NIPAL2: variants seen among roughly 807,000 people sequenced by gnomAD.
The protein encoded by NIPAL2 is NIPA-like protein 2.
In NIPAL2, 43 loss-of-function variants were observed where a neutral mutation model predicts 48.9. That is an observed-to-expected ratio of 0.88 (90% CI 0.69 to 1.13). The LOEUF (loss-of-function observed/expected upper bound fraction) is 1.13. Among genes scored for constraint, NIPAL2 ranks in the 50% most tolerant of loss-of-function variants. The pLI, the probability that NIPAL2 is intolerant of heterozygous loss-of-function variation, is 0.00. For missense variants in NIPAL2, 446 were observed against 461.4 expected, an observed-to-expected ratio of 0.97 and a Z score of 0.31; for synonymous variants, 167 against 174.6, an observed-to-expected ratio of 0.96 and a Z score of 0.34.
Position 98,254,030 on chromosome 8 carries a change from G to C in NIPAL2, c.193C>G (p.Leu65Val). The C allele has an allele frequency of 3.7e-6, 6 of 1,608,332 alleles. No individual in the cohort carries two copies. The highest frequency in any genetic ancestry group is 5.1e-6 in the Non-Finnish European group (6 of 1,175,942). ...AGCTTTTTTCTTACCTGAATATTTAGAGAAATACTGATCACCAAGTTTCCT... is the reference window on the plus strand; with the variant it reads ...AGCTTTTTTCTTACCTGAATATTTACAGAAATACTGATCACCAAGTTTCCT... ...ILGNLVISIS[L>V]NIQKYSHLQL... is the part of the protein sequence containing the mutation. The change falls in exon 2 of 11, where the codon CTA becomes GTA. Residue 65 changes from leucine to valine, a missense_variant. Leu to Val is a conservative substitution (Grantham distance 32). Transcript: ENST00000430223.
intron 4 of NIPAL2, among the ~76,000 whole-genome samples, chr8:98,225,053 G>A (rs1042957007): frequency 3.3e-5 from 5 of 152,110 alleles, no homozygotes; most frequent in Non-Finnish European, 7.4e-5. Context: ...CACCGTGCCC[G>A]GCTGCAATTA....
intron 4 of NIPAL2, among the ~76,000 whole-genome samples, chr8:98,224,072 A>G (rs1277788796): frequency 6.6e-6 from 1 of 152,218 alleles, no homozygotes; most frequent in Admixed American, 6.5e-5. Flanking sequence ...TTCTAGTTAT[A>G]TCAAGCTCCT....
At chr8:98,194,080 C>G (rs1810429643) in intron 10 of NIPAL2, among the ~76,000 whole-genome samples, 1 of 152,168 alleles carries the variant, frequency 6.6e-6, no homozygotes, top group Non-Finnish European at 1.5e-5. Context: ...GCCTGGAAAC[C>G]TATAGGTCCC....
chr8:98,210,398 G>A (rs897093798), intron 6 of NIPAL2, among the ~76,000 whole-genome samples: 1 of 152,064 alleles, frequency 6.6e-6, no homozygotes, highest in Non-Finnish European at 1.5e-5. Context: ...CAGGTGGTAG[G>A]GTTTTACTGG....
chr8:98,286,399 A>T (rs775769537), intron 1 of NIPAL2, among the ~76,000 whole-genome samples: 1 of 152,176 alleles, frequency 6.6e-6, no homozygotes, highest in African/African-American at 2.4e-5. Context: ...TGAAGAAGTC[A>T]TGTTGGGGCA....
At chr8:98,246,820 C>T (rs1252871058) in intron 3 of NIPAL2, among the ~76,000 whole-genome samples, 3 of 152,160 alleles carry the variant, frequency 2.0e-5, no homozygotes, top group African/African-American at 7.2e-5. Context: ...CCCTCCCTCC[C>T]TCCTTGCCCC....
rs542830628 is a variant in NIPAL2 at position 98,253,811 on chromosome 8, C to G, written c.204+208G>C. Among the ~76,000 whole-genome samples the G allele has an allele frequency of 1.5e-4, 23 of 152,202 alleles. 1 individual carries two copies. The South Asian group carries it at 3.1e-3, about 21-fold the overall frequency. On this transcript the variant is annotated intron_variant, in intron 2 of 10. Coordinates refer to ENST00000430223, the MANE Select transcript of NIPAL2 (RefSeq NM_001321635.2). ...CCACTCCATCCTGCAAAATTAATTT[C>G]TTTTAAAATCAGAAGAAGAAGAGGA...
At chr8:98,272,383 T>C (rs1468241206) in intron 1 of NIPAL2, among the ~76,000 whole-genome samples, 1 of 152,142 alleles carries the variant, frequency 6.6e-6, no homozygotes, top group East Asian at 1.9e-4. Context: ...AAAATTGTGG[T>C]TAAATGTATA....
In NIPAL2 at chr8:98,252,515, A is replaced by G. The variant is rs755185022; in HGVS notation, c.324T>C (p.Tyr108=). 1 of 1,614,100 alleles carries G rather than the reference A, an allele frequency of 6.2e-7. No homozygotes were observed. Among genetic ancestry groups the G allele is most frequent in the African/African-American group, 1.3e-5 (1 of 75,054 alleles). The change falls in exon 3 of 11, where the codon TAT becomes TAC. Residue 108 remains tyrosine (Y), a synonymous_variant. Coordinates refer to ENST00000430223, the MANE Select transcript of NIPAL2 (RefSeq NM_001321635.2). ...CGATCAGAGTAATGGGAGCAAATCC[A>G]TAGGCTGCAAAGTTCCCCGTCTCTC... ...AVGETGNFAA[Y]GFAPITLIAP...
At chr8:98,291,054 C>T (rs1419231810) in intron 1 of NIPAL2, among the ~76,000 whole-genome samples, 1 of 152,146 alleles carries the variant, frequency 6.6e-6, no homozygotes, top group Non-Finnish European at 1.5e-5. Flanking sequence ...TCCTGCTAGC[C>T]TTAATTTAAA....
intron 4 of NIPAL2, among the ~76,000 whole-genome samples, chr8:98,228,996 T>C (rs531442009): frequency 6.6e-4 from 101 of 152,124 alleles, no homozygotes; most frequent in Non-Finnish European, 6.2e-4. Context: ...CTCAGGAAAC[T>C]AGTGCATAGA....
chr8:98,267,329 T>G (rs1191829235), intron 1 of NIPAL2, among the ~76,000 whole-genome samples: 1 of 145,474 alleles, frequency 6.9e-6, no homozygotes, highest in Non-Finnish European at 1.5e-5. Flanking sequence ...CTATTTTCCT[T>G]TTTTTTTTTT....
intron 1 of NIPAL2, among the ~76,000 whole-genome samples, chr8:98,259,023 T>A (rs1814091960): frequency 6.6e-6 from 1 of 150,506 alleles, no homozygotes; most frequent in African/African-American, 2.4e-5. Flanking sequence ...AAAAAATACA[T>A]AATTTTTCAT....
At chr8:98,250,446 C>G (rs1470257861) in intron 3 of NIPAL2, among the ~76,000 whole-genome samples, 1 of 152,124 alleles carries the variant, frequency 6.6e-6, no homozygotes, top group Non-Finnish European at 1.5e-5. Context: ...CACCAGCAGT[C>G]CCTCACCCAC....
intron 1 of NIPAL2, among the ~76,000 whole-genome samples, chr8:98,292,973 A>G (rs1215889252): frequency 6.6e-6 from 1 of 152,122 alleles, no homozygotes; most frequent in Non-Finnish European, 1.5e-5. Flanking sequence ...ACTTAAAGCA[A>G]TACTCTCCCC....
chr8:98,199,103 T>G (rs1239380153), intron 8 of NIPAL2, among the ~76,000 whole-genome samples: 1 of 151,924 alleles, frequency 6.6e-6, no homozygotes, highest in Non-Finnish European at 1.5e-5. Flanking sequence ...ATTACAGTCA[T>G]GTGCCACCAT....
chr8:98,216,427 GAAGTGGA>G (rs1390864597), intron 5 of NIPAL2, among the ~76,000 whole-genome samples: 2 of 152,212 alleles, frequency 1.3e-5, no homozygotes, highest in African/African-American at 4.8e-5. Context: ...TGCTACCGAA[GAAGTGGA>G]CCCTTGTGTG....
chr8:98,246,671 C>G (rs976790945), intron 3 of NIPAL2, among the ~76,000 whole-genome samples: 1 of 152,120 alleles, frequency 6.6e-6, no homozygotes, highest in Non-Finnish European at 1.5e-5. Context: ...ACCTTTATTA[C>G]TTTGTCTAAA....
At position 98,282,558 on chromosome 8, in the gene NIPAL2, G is replaced by A. The variant is rs796699162; in HGVS notation, c.135+11445C>T. On this transcript the variant is annotated intron_variant, in intron 1 of 10. Transcript: ENST00000430223. Reference sequence around the variant, plus strand: ...CGTGGTGGCACGCACCTGTAGTCCCGGCTACTCAGGAGACTGAGGTGGGAA... The same window carrying A: ...CGTGGTGGCACGCACCTGTAGTCCCAGCTACTCAGGAGACTGAGGTGGGAA... Among the ~76,000 whole-genome samples the A allele has an allele frequency of 7.9e-5, 12 of 152,190 alleles. 1 individual carries two copies. The highest frequency in any genetic ancestry group is 2.1e-4 in the South Asian group (1 of 4,824).
Sources: gnomAD v4.1 joint callset for allele counts (sites outside exome capture counted in the v4.1 genomes callset) on GRCh38, gnomAD v4.1.1 for gene constraint, MANE v1.5 for transcripts, NCBI Gene and HGNC (gene_info 2026-07-23, HGNC 2026-07-21) for gene names.